NDUFA9: variants seen among roughly 807,000 people sequenced by gnomAD.
NDUFA9 encodes the protein NADH dehydrogenase [ubiquinone] 1 alpha subcomplex subunit 9, mitochondrial.
In NDUFA9, 23 loss-of-function variants were observed where a neutral mutation model predicts 45.9. The ratio of observed to expected loss-of-function variants is 0.50; its 90% CI spans 0.36 to 0.71. The LOEUF is 0.71. Among genes scored for constraint, NDUFA9 ranks in the 30% least tolerant of loss-of-function variants. The probability of loss-of-function intolerance (pLI) is 0.00; values close to 1 mark genes in which losing one functional copy is unlikely to be tolerated. For missense variants in NDUFA9, 466 were observed against 488.2 expected, an observed-to-expected ratio of 0.95 and a Z score of 0.43; for synonymous variants, 176 against 170.5, an observed-to-expected ratio of 1.03 and a Z score of -0.25.
Position 4,689,379 on chromosome 12 carries a change from T to C in NDUFA9, c.*2271T>C, listed in dbSNP as rs1191200284. ...ATTTGGCAGGGTCATAGGACAATAG[T>C]GGAGGGAAGGTCAGCAGATAAACAA... On this transcript the variant is annotated 3_prime_UTR_variant, in exon 11 of 11. Coordinates refer to ENST00000266544, the MANE Select transcript of NDUFA9 (RefSeq NM_005002.5). 3 of 152,408 alleles carry C rather than the reference T, an allele frequency of 2.0e-5. No homozygotes were observed. In the East Asian group the frequency reaches 5.8e-4, roughly 29 times the overall value. 9.4% of individuals were successfully genotyped at this position (152,408 alleles called of 1,614,324 possible). A position where few individuals can be genotyped will look rare whatever the true frequency, so the allele number is the denominator to read the frequency against.
Position 4,662,619 on chromosome 12 carries a change from C to T in NDUFA9, c.639C>T (p.Phe213=), listed in dbSNP as rs200660398. ...PSDIFGREDR[F]LNSFASMHRF... is the part of the protein sequence containing the mutation. Reference sequence around the variant, plus strand: ...ACATCTTTGGAAGAGAGGATAGATTCCTTAATTCTTTTGCAAGTACGTATT... The same window carrying T: ...ACATCTTTGGAAGAGAGGATAGATTTCTTAATTCTTTTGCAAGTACGTATT... Residue 213 remains phenylalanine (F), a synonymous_variant, in exon 6 of 11, where the codon TTC becomes TTT. Transcript: ENST00000266544. 35 of 1,613,182 alleles carry T rather than the reference C, an allele frequency of 2.2e-5. No homozygotes were observed. The highest frequency in any genetic ancestry group is 5.0e-5 in the Admixed American group (3 of 59,978).
intron 6 of NDUFA9, among the ~76,000 whole-genome samples, chr12:4,668,014 T>C (rs1270942355): frequency 6.6e-6 from 1 of 152,190 alleles, no homozygotes; most frequent in African/African-American, 2.4e-5. Context: ...GCCCTTTTTC[T>C]GGGTTATCTG....
chr12:4,689,787 A>G lies in NDUFA9; in HGVS notation c.*2679A>G, dbSNP rs368752869. ...ATTCCGCAAAACCACCATCGTCATC[A>G]TGGCCCGTTCTCAATGAGCTGTTGG... is the stretch of plus-strand genomic sequence containing the variant. On this transcript the variant is annotated 3_prime_UTR_variant, in exon 11 of 11. Coordinates refer to ENST00000266544, the MANE Select transcript of NDUFA9 (RefSeq NM_005002.5). 19 of 179,792 alleles carry G rather than the reference A, an allele frequency of 1.1e-4. No individual in the cohort carries two copies. The East Asian group carries it at 1.2e-3, about 11-fold the overall frequency. 11.1% of individuals were successfully genotyped at this position (179,792 alleles called of 1,614,324 possible).
chr12:4,690,377 A>T lies in NDUFA9; in HGVS notation c.*3269A>T, dbSNP rs1591552887. ...TTTCCCACAGCTTTGCTAGGCCTTA[A>T]GATCATCTCACATTCTTCATCCTAA... On this transcript the variant is annotated 3_prime_UTR_variant, in exon 11 of 11. Coordinates refer to ENST00000266544, the MANE Select transcript of NDUFA9 (RefSeq NM_005002.5). 1 of 152,312 alleles carries T rather than the reference A, an allele frequency of 6.6e-6. No homozygotes were observed. Among genetic ancestry groups the T allele is most frequent in the Non-Finnish European group, 1.5e-5 (1 of 68,032 alleles). 9.4% of individuals were successfully genotyped at this position (152,312 alleles called of 1,614,324 possible).
intron 2 of NDUFA9, 72 bp downstream of exon 2, chr12:4,654,534 A>G (rs1268373804): frequency 2.7e-6 from 4 of 1,505,140 alleles, no homozygotes; most frequent in South Asian, 1.2e-5. Flanking sequence ...AGCATGAGCT[A>G]TGTTTCTCTT....
chr12:4,675,762 A>G (rs955010373), intron 8 of NDUFA9, among the ~76,000 whole-genome samples: 1 of 152,218 alleles, frequency 6.6e-6, no homozygotes, highest in Non-Finnish European at 1.5e-5. Flanking sequence ...TCCTTCTGAA[A>G]CTATTCCAAT....
At chr12:4,661,708 A>G (rs201105721) in intron 5 of NDUFA9, among the ~76,000 whole-genome samples, 1 of 84,952 alleles carries the variant, frequency 1.2e-5, no homozygotes, top group Non-Finnish European at 2.8e-5. Context: ...GAATCAGTGC[A>G]CTAGAGTTCT....
chr12:4,678,374 C>G lies in NDUFA9; in HGVS notation c.801-3831C>G, dbSNP rs138418111. Among the ~76,000 whole-genome samples, 45 of 152,118 alleles carry G rather than the reference C, an allele frequency of 3.0e-4. 1 individual carries two copies. Among genetic ancestry groups the G allele is most frequent in the Non-Finnish European group, 4.0e-4 (27 of 67,976 alleles). On this transcript the variant is annotated intron_variant, in intron 8 of 10. Coordinates refer to ENST00000266544, the MANE Select transcript of NDUFA9 (RefSeq NM_005002.5). ...TTTTGGAAGGAAAATAGAAAATCTT[C>G]TAGACCTTGGATTCTAGAAGATTTT...
intron 8 of NDUFA9, among the ~76,000 whole-genome samples, chr12:4,672,522 A>G (rs1014294989): frequency 1.3e-5 from 2 of 152,156 alleles, no homozygotes; most frequent in Non-Finnish European, 2.9e-5. Context: ...TCTGAGTTCA[A>G]CCTGGGACGT....
chr12:4,682,527 C>T (rs1437058754), intron 9 of NDUFA9, among the ~76,000 whole-genome samples: 3 of 152,192 alleles, frequency 2.0e-5, no homozygotes, highest in Non-Finnish European at 4.4e-5. Flanking sequence ...TTCCCACTTC[C>T]CAAAAGTGAA....
intron 8 of NDUFA9, among the ~76,000 whole-genome samples, chr12:4,674,561 TC>T (rs1381746032): frequency 2.0e-5 from 3 of 151,992 alleles, no homozygotes; most frequent in African/African-American, 7.3e-5. Context: ...CCAACAAAGA[TC>T]AAAAGAGACA....
chr12:4,687,072 T>C lies in NDUFA9; in HGVS notation c.1098T>C (p.Ile366=). 6.2e-7 allele frequency: 1 copy of C among 1,614,142 alleles called. No homozygotes were observed. Among genetic ancestry groups the C allele is most frequent in the Non-Finnish European group, 8.5e-7 (1 of 1,180,032 alleles). Residue 366 remains isoleucine (I), a synonymous_variant, in exon 11 of 11, where the codon ATT becomes ATC. Transcript: ENST00000266544. ...HRTYRWLSAE[I]EDVKPAKTVN... Reference sequence around the variant, plus strand: ...CTTACCGCTGGCTGTCTGCTGAAATTGAGGATGTGAAGCCGGCCAAGACCG... The same window carrying C: ...CTTACCGCTGGCTGTCTGCTGAAATCGAGGATGTGAAGCCGGCCAAGACCG...
intron 5 of NDUFA9, among the ~76,000 whole-genome samples, chr12:4,659,926 G>C (rs927177763): frequency 8.5e-5 from 13 of 152,178 alleles, no homozygotes; most frequent in African/African-American, 2.9e-4. Flanking sequence ...CACATATTGT[G>C]TTAAGCACTG....
At chr12:4,678,174 C>T (rs1429983255) in intron 8 of NDUFA9, among the ~76,000 whole-genome samples, 1 of 151,946 alleles carries the variant, frequency 6.6e-6, no homozygotes, top group Non-Finnish European at 1.5e-5. Flanking sequence ...AGGAGAAATA[C>T]CTAATGTAGA....
At chr12:4,684,808 AT>A (rs10631547) in intron 9 of NDUFA9, among the ~76,000 whole-genome samples, 54 of 145,574 alleles carry the variant, frequency 3.7e-4, no homozygotes, top group Middle Eastern at 3.5e-3. Flanking sequence ...TTGCTTTTGG[AT>A]TTTTTTTTTT....
chr12:4,662,766 C>T (rs1378212251), intron 6 of NDUFA9, 131 bp downstream of exon 6: 4 of 625,712 alleles, frequency 6.4e-6, no homozygotes, highest in South Asian at 4.2e-5. Context: ...TTTTCCTCCC[C>T]TAAGTTTATA....
intron 6 of NDUFA9, among the ~76,000 whole-genome samples, chr12:4,664,139 G>A (rs78389937): frequency 0.11 from 16,398 of 152,256 alleles, 920 homozygotes; most frequent in Middle Eastern, 0.13. Flanking sequence ...AAGCAAAAAG[G>A]AACCGGAACC....
chr12:4,693,856 T>C lies in NDUFA9; in HGVS notation c.*6748T>C, dbSNP rs1384481901. On this transcript the variant is annotated 3_prime_UTR_variant, in exon 11 of 11. Coordinates refer to ENST00000266544, the MANE Select transcript of NDUFA9 (RefSeq NM_005002.5). ...CGTAAGGGAATCGAGATTATCTAGT[T>C]TCCCCTCGACATTTTATAACTGAAT... is the stretch of plus-strand genomic sequence containing the variant. The C allele has an allele frequency of 6.6e-6, 1 of 152,178 alleles. No individual in the cohort carries two copies. Among genetic ancestry groups the C allele is most frequent in the Non-Finnish European group, 1.5e-5 (1 of 68,028 alleles). The allele number at this position is 152,178 out of a possible 1,614,324, so 9.4% of individuals were successfully genotyped here. A position where few individuals can be genotyped will look rare whatever the true frequency, so the allele number is the denominator to read the frequency against.
At chr12:4,658,950 C>A in intron 4 of NDUFA9, 86 bp from the exon 5 acceptor site, 2 of 1,337,792 alleles carry the variant, frequency 1.5e-6, no homozygotes, top group Middle Eastern at 2.7e-4. Context: ...AATTTCAGTA[C>A]TGTTATGAAA....
Sources: allele counts gnomAD v4.1 joint callset (sites outside exome capture counted in the v4.1 genomes callset), GRCh38; gene constraint gnomAD v4.1.1; transcripts MANE v1.5; gene names NCBI Gene and HGNC (gene_info 2026-07-23, HGNC 2026-07-21).